Variants in RSPH14 observed in about 807,000 individuals in gnomAD.
RSPH14 encodes the protein rhabdoid tumor deletion region gene 1.
Under a neutral mutation model 26.7 loss-of-function variants are expected in RSPH14, and 20 were observed. The observed-to-expected ratio is 0.75, with a 90% CI of 0.53 to 1.09. RSPH14 has a LOEUF of 1.09. Among genes scored for constraint, RSPH14 ranks in the 50% least tolerant of loss-of-function variants. The probability of loss-of-function intolerance (pLI) is 0.00; values close to 1 mark genes in which losing one functional copy is unlikely to be tolerated. For missense variants in RSPH14, 449 were observed against 457.2 expected (o/e 0.98, Z 0.16); for synonymous variants, 177 against 189.3 (o/e 0.93, Z 0.53).
the RSPH14 span, chr22:23,179,844 C>T: frequency 4.7e-6 from 1 of 213,414 alleles, no homozygotes; most frequent in African/African-American, 2.3e-5. Flanking sequence ...TGAGTTGGGC[C>T]CTGCTGGGTG....
At chr22:23,157,917 TG>T in the RSPH14 span, 1 of 1,602,812 alleles carries the variant, frequency 6.2e-7, no homozygotes, top group African/African-American at 1.3e-5. Flanking sequence ...CCTTGGGAGC[TG>T]GGCACCTCCT....
At chr22:23,103,092 T>C (rs1314684316) in intron 4 of RSPH14, among the ~76,000 whole-genome samples, 1 of 152,192 alleles carries the variant, frequency 6.6e-6, no homozygotes, top group Non-Finnish European at 1.5e-5. Flanking sequence ...GGGCTAGTGG[T>C]GGCAGAGCCT....
intron 4 of RSPH14, among the ~76,000 whole-genome samples, chr22:23,110,289 C>A (rs927905393): frequency 1.3e-5 from 2 of 152,122 alleles, no homozygotes; most frequent in Non-Finnish European, 2.9e-5. Flanking sequence ...GAGCCTCTCA[C>A]AGTCACTTCT....
In RSPH14 at chr22:23,138,913, T is replaced by G. The variant is rs1246851125; in HGVS notation, c.229A>C (p.Lys77Gln). 1 of 1,547,884 alleles carries G rather than the reference T, an allele frequency of 6.5e-7. No individual in the cohort carries two copies. Among genetic ancestry groups the G allele is most frequent in the Non-Finnish European group, 8.7e-7 (1 of 1,146,374 alleles). Reference sequence around the variant, plus strand: ...ATGCGCACCATACTGTTGCTATCCTTCAGCAAAGCTTTCAGGTTCTCCATA... The same window carrying G: ...ATGCGCACCATACTGTTGCTATCCTGCAGCAAAGCTTTCAGGTTCTCCATA... ...GCMENLKALL[K>Q]DSNSMVRIKT... The change falls in exon 3 of 7, where the codon AAG becomes CAG. Residue 77 changes from lysine to glutamine, a missense_variant. Transcript: ENST00000216036.
chr22:23,097,343 C>G, intron 4 of RSPH14, among the ~76,000 whole-genome samples: 1 of 152,118 alleles, frequency 6.6e-6, no homozygotes, highest in East Asian at 1.9e-4. Flanking sequence ...TTAGGTTCAG[C>G]GGAGAGCAAC....
At chr22:23,118,757 G>A (rs1192608497) in intron 4 of RSPH14, among the ~76,000 whole-genome samples, 1 of 152,168 alleles carries the variant, frequency 6.6e-6, no homozygotes, top group African/African-American at 2.4e-5. Context: ...CATGGGGCAG[G>A]GCCACATGAC....
rs545366122 is a variant in RSPH14 at position 23,123,264 on chromosome 22, G to A, written c.421+10762C>T. ...GGGCCAGAACACGTACGAGGAGGCC[G>A]CTGTCTACATCCAGCGGCAGTTTGA... On this transcript the variant is annotated intron_variant, in intron 4 of 6. Transcript: ENST00000216036. The A allele has an allele frequency of 7.7e-5, 124 of 1,613,924 alleles. No homozygotes were observed. Among genetic ancestry groups the A allele is most frequent in the Non-Finnish European group, 9.4e-5 (111 of 1,179,994 alleles).
At chr22:23,066,799 G>T (rs1258056388) in intron 4 of RSPH14, among the ~76,000 whole-genome samples, 8 of 152,182 alleles carry the variant, frequency 5.3e-5, no homozygotes, top group Non-Finnish European at 1.2e-4. Flanking sequence ...GGGGCACAGA[G>T]AATCAGCCAG....
the RSPH14 span, among the ~76,000 whole-genome samples, chr22:23,169,426 A>G: frequency 1.3e-5 from 2 of 152,338 alleles, no homozygotes; most frequent in South Asian, 4.1e-4. Context: ...GGGTGGGGAC[A>G]GGGGTGGAGA....
the RSPH14 span, among the ~76,000 whole-genome samples, chr22:23,172,905 G>A: frequency 1.3e-5 from 2 of 150,222 alleles, no homozygotes; most frequent in South Asian, 2.1e-4. Context: ...AGCCGAGATC[G>A]CCCCACTGCA....
rs557620014 is a variant in RSPH14 at position 23,119,501 on chromosome 22, T to C, written c.421+14525A>G. On this transcript the variant is annotated intron_variant, in intron 4 of 6. Coordinates refer to ENST00000216036, the MANE Select transcript of RSPH14 (RefSeq NM_014433.3). ...AGGAACAAACCCACGATGCAGCTCC[T>C]GCCTCACTTGCTGGTCCATCAGCAC... Among the ~76,000 whole-genome samples, 7 of 152,374 alleles carry C rather than the reference T, an allele frequency of 4.6e-5. 1 individual carries two copies. In the East Asian group the frequency reaches 1.3e-3, roughly 29 times the overall value.
At chr22:23,094,055 A>C (rs1459324998) in intron 4 of RSPH14, among the ~76,000 whole-genome samples, 1 of 152,212 alleles carries the variant, frequency 6.6e-6, no homozygotes, top group Non-Finnish European at 1.5e-5. Flanking sequence ...GGTCACACCC[A>C]GGAGTTGAGG....
chr22:23,152,606 A>C, the RSPH14 span: 1 of 1,339,276 alleles, frequency 7.5e-7, no homozygotes, highest in Non-Finnish European at 1.1e-6. Context: ...CCCAGATAAT[A>C]TCAACATAGC....
At chr22:23,087,334 C>T (rs776026071) in intron 4 of RSPH14, among the ~76,000 whole-genome samples, 12 of 152,260 alleles carry the variant, frequency 7.9e-5, no homozygotes, top group South Asian at 2.1e-4. Flanking sequence ...GGCGTGGTGG[C>T]GCGTGCCTGC....
chr22:23,154,117 A>C, the RSPH14 span, among the ~76,000 whole-genome samples: 6 of 142,552 alleles, frequency 4.2e-5, no homozygotes, highest in South Asian at 2.2e-4. Flanking sequence ...ACCCTCTCCC[A>C]CCCCAGCTGG....
At chr22:23,096,121 C>T in intron 4 of RSPH14, 1 of 1,611,742 alleles carries the variant, frequency 6.2e-7, no homozygotes. Flanking sequence ...CCTGCTTCAG[C>T]CGCTCCAGCG....
At chr22:23,139,319 G>C (rs2070546511) in intron 2 of RSPH14, among the ~76,000 whole-genome samples, 1 of 152,232 alleles carries the variant, frequency 6.6e-6, no homozygotes, top group Non-Finnish European at 1.5e-5. Context: ...GCCAGATTTA[G>C]CAAATAAAAA....
chr22:23,095,114 T>A (rs1341034935), intron 4 of RSPH14: 1 of 156,804 alleles, frequency 6.4e-6, no homozygotes, highest in Non-Finnish European at 1.4e-5. Flanking sequence ...GGAGAGGGGG[T>A]TGGATGGATT....
intron 4 of RSPH14, among the ~76,000 whole-genome samples, chr22:23,120,967 A>C (rs574566695): frequency 1.3e-5 from 2 of 152,228 alleles, no homozygotes; most frequent in Admixed American, 6.5e-5. Flanking sequence ...TTTCTATGAG[A>C]AATGACAGCT....
Sources: allele counts gnomAD v4.1 joint callset (sites outside exome capture counted in the v4.1 genomes callset), GRCh38; gene constraint gnomAD v4.1.1; transcripts MANE v1.5; gene names NCBI Gene and HGNC (gene_info 2026-07-23, HGNC 2026-07-21).